The following KIF24 variants were observed in gnomAD, a reference collection of about 807,000 sequenced individuals.
KIF24 encodes the protein kinesin-like protein KIF24.
KIF24 carries 81 observed loss-of-function variants against 118.9 expected under a neutral mutation model. The observed-to-expected ratio is 0.68, with a 90% CI of 0.57 to 0.82. The LOEUF is 0.82. KIF24 is among the 40% of genes least tolerant of loss of function. The pLI is 0.00. For missense variants in KIF24, 1,560 were observed against 1,661.6 expected (o/e 0.94, Z 1.06); for synonymous variants, 599 against 610.0 (o/e 0.98, Z 0.27).
chr9:34,311,016 C>A lies in KIF24; in HGVS notation c.331G>T (p.Ala111Ser). Residue 111 changes from alanine to serine, a missense_variant, in exon 2 of 13, where the codon GCC (alanine) becomes TCC (serine). This residue lies in a region of KIF24 where 964 missense variants were observed against 988.0 expected (regional missense o/e 0.98). Transcript: ENST00000402558. Reference protein sequence around the residue: ...DSPADNKDRNASNDGFEMCSL... With the variant: ...DSPADNKDRNSSNDGFEMCSL... ...CACATTTCAAACCCATCATTGCTGG[C>A]ATTTCTGTCTTTATTGTCAGCAGGA... is the stretch of plus-strand genomic sequence containing the variant. 6.2e-7 allele frequency: 1 copy of A among 1,613,924 alleles called. No individual in the cohort carries two copies. The highest frequency in any genetic ancestry group is 8.5e-7 in the Non-Finnish European group (1 of 1,179,862).
At chr9:34,263,057 A>C (rs1315459392) in intron 9 of KIF24, 44 bp downstream of exon 9, 2 of 1,417,752 alleles carry the variant, frequency 1.4e-6, no homozygotes, top group Non-Finnish European at 2.0e-6. Flanking sequence ...ATAAGGAAGA[A>C]AGGAATGAAT....
chr9:34,265,838 GTAATTT>G (rs1467240779), intron 8 of KIF24, among the ~76,000 whole-genome samples: 2 of 151,984 alleles, frequency 1.3e-5, no homozygotes, highest in South Asian at 2.1e-4. Flanking sequence ...TAAAAACTGT[GTAATTT>G]TAATTTTATT....
chr9:34,267,435 C>G (rs568288401), intron 8 of KIF24, among the ~76,000 whole-genome samples: 1 of 152,108 alleles, frequency 6.6e-6, no homozygotes, highest in Admixed American at 6.5e-5. Context: ...TAAGAACTAC[C>G]TATGAATTGT....
In KIF24 at chr9:34,257,039, G is replaced by A. The variant is rs778183323; in HGVS notation, c.2568C>T (p.Phe856=). 6.2e-7 allele frequency: 1 copy of A among 1,614,032 alleles called. No homozygotes were observed. The highest frequency in any genetic ancestry group is 1.1e-5 in the South Asian group (1 of 91,082). Reference sequence around the variant, plus strand: ...GACCCTGTCCCCACGTCTGGTGCAGGAAGAATGAGTCTTCGCTATTCTCCA... The same window carrying A: ...GACCCTGTCCCCACGTCTGGTGCAGAAAGAATGAGTCTTCGCTATTCTCCA... ...NTLENSEDSF[F]LHQTWGQGPE... is the part of the protein sequence containing the mutation. Residue 856 remains phenylalanine (F), a synonymous_variant, in exon 11 of 13, where the codon TTC becomes TTT. Coordinates refer to ENST00000402558, the MANE Select transcript of KIF24 (RefSeq NM_194313.4).
intron 1 of KIF24, among the ~76,000 whole-genome samples, chr9:34,316,793 T>G (rs1005023689): frequency 6.6e-6 from 1 of 152,154 alleles, no homozygotes; most frequent in African/African-American, 2.4e-5. Flanking sequence ...GCTTACTGGC[T>G]GGGCGCGGTG....
Position 34,286,690 on chromosome 9 carries a change from T to G in KIF24, c.1142A>C (p.Glu381Ala), listed in dbSNP as rs1587939673. Residue 381 changes from glutamate to alanine, a missense_variant, in exon 6 of 13, where the codon GAA becomes GCA. By Grantham distance (107) the Glu-to-Ala change is moderately radical. Coordinates refer to ENST00000402558, the MANE Select transcript of KIF24 (RefSeq NM_194313.4). ...LNRRKRLFAR[E>A]DSKHMVQIVG... ...TATCTGCACCATGTGCTTGCTATCT[T>G]CTCTTGCAAAGAGCCTGCAGATGCA... The G allele has an allele frequency of 1.2e-6, 2 of 1,613,156 alleles. No individual in the cohort carries two copies. The highest frequency in any genetic ancestry group is 4.5e-5 in the East Asian group (2 of 44,882).
intron 3 of KIF24, among the ~76,000 whole-genome samples, chr9:34,300,742 G>A (rs1001293552): frequency 4.0e-5 from 6 of 149,308 alleles, no homozygotes; most frequent in Non-Finnish European, 7.4e-5. Flanking sequence ...AAAATAATTC[G>A]TTGCTCAAAT....
chr9:34,290,205 G>A lies in KIF24; in HGVS notation c.1096C>T (p.Gln366Ter), dbSNP rs747924137. ...CTTCTATTTAGGAGGTCATAAAGCT[G>A]TCCACAGTAAATTTCATAGAAGCTG... ...WISFYEIYCG[Q>*]LYDLLNRRKR... is the part of the protein sequence containing the mutation. The change falls in exon 5 of 13, where the codon CAG becomes TAG. Residue 366 changes from glutamine to a stop codon, truncating the protein, a stop_gained. Coordinates refer to ENST00000402558, the MANE Select transcript of KIF24 (RefSeq NM_194313.4). LOFTEE classifies it high-confidence loss of function. 4.6e-5 allele frequency: 74 copies of A among 1,613,512 alleles called. No homozygotes were observed. The highest frequency in any genetic ancestry group is 4.7e-5 in the Non-Finnish European group (56 of 1,179,670).
Position 34,255,726 on chromosome 9 carries a change from C to T in KIF24, c.3872+9G>A, listed in dbSNP as rs1281553837. ...GGGGCTCAAGTCTTAGGGAAAGTGT[C>T]CAACTTACTGCGCTTGCTCCAGGGT... On this transcript the variant is annotated intron_variant, in intron 11 of 12. Coordinates refer to ENST00000402558, the MANE Select transcript of KIF24 (RefSeq NM_194313.4). The T allele has an allele frequency of 1.3e-6, 2 of 1,599,280 alleles. No individual in the cohort carries two copies. The highest frequency in any genetic ancestry group is 2.7e-5 in the African/African-American group (2 of 74,838).
intron 5 of KIF24, among the ~76,000 whole-genome samples, chr9:34,288,618 G>T (rs1371875144): frequency 2.7e-5 from 4 of 149,486 alleles, no homozygotes; most frequent in African/African-American, 9.8e-5. Flanking sequence ...CAATTAAATG[G>T]ATATATATAT....
chr9:34,262,456 G>C (rs1439599291), intron 9 of KIF24, among the ~76,000 whole-genome samples: 1 of 150,520 alleles, frequency 6.6e-6, no homozygotes, highest in Non-Finnish European at 1.5e-5. Context: ...TATCCTTCTG[G>C]TTGCACATCC....
At chr9:34,288,296 GGTAA>G (rs1836125886) in intron 5 of KIF24, among the ~76,000 whole-genome samples, 1 of 151,816 alleles carries the variant, frequency 6.6e-6, no homozygotes, top group Non-Finnish European at 1.5e-5. Context: ...GAACAGCCTG[GGTAA>G]GTAACATAGG....
At position 34,255,737 on chromosome 9, in the gene KIF24, C is replaced by A; in HGVS notation, c.3870G>T (p.Ala1290=). Residue 1290 remains alanine, a splice_region_variant and synonymous_variant, in exon 11 of 13, where the codon GCG becomes GCT. Coordinates refer to ENST00000402558, the MANE Select transcript of KIF24 (RefSeq NM_194313.4). The part of the protein sequence containing the change: ...GTLRQPTLEQ[A]QQVVIRAHQE... Reference sequence around the variant, plus strand: ...CTTAGGGAAAGTGTCCAACTTACTGCGCTTGCTCCAGGGTGGGCTGACGGA... The same window carrying A: ...CTTAGGGAAAGTGTCCAACTTACTGAGCTTGCTCCAGGGTGGGCTGACGGA... The A allele has an allele frequency of 6.2e-7, 1 of 1,606,508 alleles. No individual in the cohort carries two copies. The highest frequency in any genetic ancestry group is 8.5e-7 in the Non-Finnish European group (1 of 1,175,978).
chr9:34,311,910 G>C (rs951973107), intron 1 of KIF24, among the ~76,000 whole-genome samples: 2 of 151,830 alleles, frequency 1.3e-5, no homozygotes, highest in Non-Finnish European at 2.9e-5. Flanking sequence ...CACAACTATT[G>C]AAACCTTGTT....
intron 1 of KIF24, among the ~76,000 whole-genome samples, chr9:34,316,661 T>C (rs560519253): frequency 6.2e-4 from 95 of 152,384 alleles, no homozygotes; most frequent in African/African-American, 2.1e-3. Context: ...CTAAAATGTA[T>C]TGAGTTCTGT....
chr9:34,289,302 C>A (rs1363037876), intron 5 of KIF24, among the ~76,000 whole-genome samples: 1 of 152,314 alleles, frequency 6.6e-6, no homozygotes, highest in Non-Finnish European at 1.5e-5. Context: ...ACTGCTCCCC[C>A]ACTCCCCATT....
chr9:34,263,738 A>T (rs1158634469), intron 8 of KIF24, among the ~76,000 whole-genome samples: 1 of 137,642 alleles, frequency 7.3e-6, no homozygotes, highest in Admixed American at 7.6e-5. Context: ...TTTTTTCTTA[A>T]TTTTTTTTTT....
intron 6 of KIF24, 31 bp downstream of exon 6, chr9:34,286,586 G>GAACAAATTACTTACAC: frequency 6.9e-7 from 1 of 1,442,198 alleles, no homozygotes; most frequent in Non-Finnish European, 9.8e-7. Flanking sequence ...CACTGTTGTG[G>GAACAAATTACTTACAC]TGGGGTAATA....
Position 34,257,942 on chromosome 9 carries a change from T to G in KIF24, c.1665A>C (p.Ser555=). The G allele has an allele frequency of 3.1e-6, 5 of 1,613,618 alleles. No individual in the cohort carries two copies. The highest frequency in any genetic ancestry group is 1.3e-5 in the African/African-American group (1 of 75,030). The part of the protein sequence containing the change: ...ELKKGIKCCT[S]VTSRNRTSGN... ...CAGATGTCCGATTTCGACTGGTAAC[T>G]GAAGTGCAACACTTAATGCCTTTCT... Residue 555 remains serine (S), a synonymous_variant, in exon 11 of 13, where the codon TCA becomes TCC. Transcript: ENST00000402558.
Sources: allele counts gnomAD v4.1 joint callset (sites outside exome capture counted in the v4.1 genomes callset), GRCh38; gene constraint gnomAD v4.1.1; regional missense constraint gnomAD v4.1.1; transcripts MANE v1.5; gene names NCBI Gene and HGNC (gene_info 2026-07-23, HGNC 2026-07-21).